Variants in MED15 observed in about 807,000 individuals in gnomAD.
MED15 encodes mediator of RNA polymerase II transcription subunit 15.
MED15 carries 41 observed loss-of-function variants against 118.7 expected under a neutral mutation model. The ratio of observed to expected loss-of-function variants is 0.35; its 90% CI spans 0.27 to 0.45. The LOEUF (loss-of-function observed/expected upper bound fraction) is 0.45. Ranked by LOEUF, MED15 falls within the 20% of genes least tolerant of loss-of-function variation. The probability of loss-of-function intolerance (pLI) is 1.00; values close to 1 mark genes in which losing one functional copy is unlikely to be tolerated. For synonymous variants in MED15, 436 were observed against 413.9 expected (o/e 1.05, Z -0.65); for missense variants, 740 against 1,025.5 (o/e 0.72, Z 3.80).
chr22:20,553,317 C>A, intron 4 of MED15, 143 bp downstream of exon 4: 1 of 830,600 alleles, frequency 1.2e-6, no homozygotes, highest in Non-Finnish European at 1.9e-6. Context: ...AGGGAGGAGG[C>A]TGACCAGCTG....
intron 5 of MED15, among the ~76,000 whole-genome samples, chr22:20,559,780 C>A (rs1314913113): frequency 6.6e-6 from 1 of 152,196 alleles, no homozygotes; most frequent in Non-Finnish European, 1.5e-5. Flanking sequence ...CCTTAGAGAC[C>A]ATCACTAAAA....
At chr22:20,535,194 G>A (rs1055204026) in intron 1 of MED15, among the ~76,000 whole-genome samples, 1 of 152,154 alleles carries the variant, frequency 6.6e-6, no homozygotes, top group African/African-American at 2.4e-5. Flanking sequence ...CTGACCTCAG[G>A]TGATCCACCT....
At chr22:20,509,209 G>A (rs1229387312) in intron 1 of MED15, among the ~76,000 whole-genome samples, 1 of 152,134 alleles carries the variant, frequency 6.6e-6, no homozygotes, top group Non-Finnish European at 1.5e-5. Context: ...TAGCACTTTA[G>A]TGGGGGTGTT....
At chr22:20,579,651 A>G (rs2146659251) in intron 9 of MED15, among the ~76,000 whole-genome samples, 1 of 152,212 alleles carries the variant, frequency 6.6e-6, no homozygotes, top group South Asian at 2.1e-4. Flanking sequence ...CTCGGTGTCC[A>G]CCTGCCTTCA....
intron 1 of MED15, 152 bp from the exon 2 acceptor site, chr22:20,536,965 C>G: frequency 1.7e-6 from 1 of 598,970 alleles, no homozygotes; most frequent in Non-Finnish European, 2.9e-6. Context: ...GTGCCCCTTC[C>G]CATATGCCTC....
chr22:20,541,162 C>T (rs1341854765), intron 2 of MED15, among the ~76,000 whole-genome samples: 1 of 152,054 alleles, frequency 6.6e-6, no homozygotes, highest in Non-Finnish European at 1.5e-5. Flanking sequence ...TGGCGTGAAC[C>T]CGGGAGGTGG....
intron 1 of MED15, among the ~76,000 whole-genome samples, chr22:20,526,661 C>A (rs2054656619): frequency 6.6e-6 from 1 of 152,170 alleles, no homozygotes; most frequent in Non-Finnish European, 1.5e-5. Context: ...GTACAGTTAT[C>A]TTCAGGCTCA....
At chr22:20,530,711 T>G (rs1430382941) in intron 1 of MED15, among the ~76,000 whole-genome samples, 1 of 151,676 alleles carries the variant, frequency 6.6e-6, no homozygotes, top group Admixed American at 6.6e-5. Context: ...GGAGTTGGGG[T>G]GGGGAGGCCA....
chr22:20,576,349 G>A (rs1461049105), intron 9 of MED15, among the ~76,000 whole-genome samples: 1 of 152,246 alleles, frequency 6.6e-6, no homozygotes, highest in Non-Finnish European at 1.5e-5. Flanking sequence ...CCACCACCCT[G>A]GCTTGTGCAG....
intron 1 of MED15, among the ~76,000 whole-genome samples, chr22:20,526,593 A>G (rs1184176807): frequency 6.6e-6 from 1 of 152,212 alleles, no homozygotes; most frequent in African/African-American, 2.4e-5. Flanking sequence ...TTTCAACACT[A>G]TGCCCAGTTT....
At chr22:20,581,175 T>C (rs1037510308) in intron 9 of MED15, among the ~76,000 whole-genome samples, 3 of 152,148 alleles carry the variant, frequency 2.0e-5, no homozygotes, top group African/African-American at 7.2e-5. Flanking sequence ...GCACCCAGCA[T>C]CCCTTGCAGC....
chr22:20,587,616 T>G lies in MED15; in HGVS notation c.*912T>G. ...GATTATAATAAATTTATTATTCCTGTGTTTGTCAGTTGTTCATCACTGTGT... is the reference window on the plus strand; with the variant it reads ...GATTATAATAAATTTATTATTCCTGGGTTTGTCAGTTGTTCATCACTGTGT... On this transcript the variant is annotated 3_prime_UTR_variant, in exon 18 of 18. Transcript: ENST00000263205. 2 of 562,434 alleles carry G rather than the reference T, an allele frequency of 3.6e-6. No individual in the cohort carries two copies. The highest frequency in any genetic ancestry group is 6.8e-5 in the South Asian group (2 of 29,620). The allele number at this position is 562,434 out of a possible 1,614,324, so 34.8% of individuals were successfully genotyped here.
rs2056354252 is a variant in MED15, at chr22:20,564,350, G to T, written c.452-100G>T. Reference sequence around the variant, plus strand: ...TCAGATTCCAGCGGCAGCCGTGGCAGTGGGGCTTTTGCTGGCTGTTTTGTC... The same window carrying T: ...TCAGATTCCAGCGGCAGCCGTGGCATTGGGGCTTTTGCTGGCTGTTTTGTC... On this transcript the variant is annotated intron_variant, in intron 5 of 17. Transcript: ENST00000263205. The T allele has an allele frequency of 2.6e-6, 4 of 1,544,772 alleles. No individual in the cohort carries two copies. The Admixed American group carries it at 7.6e-5, about 29-fold the overall frequency.
At chr22:20,576,152 T>C (rs1338854968) in intron 9 of MED15, among the ~76,000 whole-genome samples, 4 of 152,238 alleles carry the variant, frequency 2.6e-5, no homozygotes, top group African/African-American at 7.2e-5. Context: ...TATGCTAAGA[T>C]TCTGAGAATA....
At chr22:20,547,572 C>T (rs2055595463) in intron 2 of MED15, among the ~76,000 whole-genome samples, 1 of 152,236 alleles carries the variant, frequency 6.6e-6, no homozygotes, top group East Asian at 1.9e-4. Flanking sequence ...GTAATGTCAG[C>T]ACTTTGGGAG....
chr22:20,538,450 A>C lies in MED15; in HGVS notation c.156+1246A>C, dbSNP rs145962133. On this transcript the variant is annotated intron_variant, in intron 2 of 17. Transcript: ENST00000263205. ...TTTTTTGTGGAGACGAGGTCCCACT[A>C]TGTTGCCCAGGCTAGTCTTGAACTC... 3.9e-3 allele frequency among the ~76,000 whole-genome samples: 593 copies of C among 151,302 alleles called. 5 individuals are homozygous for C. Among genetic ancestry groups the C allele is most frequent in the African/African-American group, 0.013 (554 of 41,200 alleles).
chr22:20,565,941 G>A (rs189779117), intron 6 of MED15, among the ~76,000 whole-genome samples: 1 of 152,172 alleles, frequency 6.6e-6, no homozygotes, highest in African/African-American at 2.4e-5. Context: ...AAGGCAGCTG[G>A]TGTTGGCCTC....
chr22:20,571,823 T>C (rs1375954881), intron 8 of MED15, among the ~76,000 whole-genome samples: 1 of 152,208 alleles, frequency 6.6e-6, no homozygotes, highest in Admixed American at 6.5e-5. Context: ...GTGTGGTAAC[T>C]GTAGAACCCA....
intron 5 of MED15, among the ~76,000 whole-genome samples, chr22:20,559,757 T>C (rs2056161173): frequency 6.6e-6 from 1 of 152,264 alleles, no homozygotes; most frequent in Admixed American, 6.5e-5. Flanking sequence ...AAGCCATTTT[T>C]AGATAAACCT....
Sources: allele counts gnomAD v4.1 joint callset (sites outside exome capture counted in the v4.1 genomes callset), GRCh38; gene constraint gnomAD v4.1.1; transcripts MANE v1.5; gene names NCBI Gene and HGNC (gene_info 2026-07-23, HGNC 2026-07-21).